Variants in AFF3 observed in about 807,000 individuals in gnomAD.
The protein encoded by AFF3 is ALF transcription elongation factor 3, also known as AF4/FMR2 family member 3.
Under a neutral mutation model 129.7 loss-of-function variants are expected in AFF3, and 32 were observed. The observed-to-expected ratio is 0.25, with a 90% CI of 0.19 to 0.33. The LOEUF is 0.33. Among genes scored for constraint, AFF3 ranks in the 10% least tolerant of loss-of-function variants. The probability of loss-of-function intolerance (pLI) is 1.00; values close to 1 mark genes in which losing one functional copy is unlikely to be tolerated. For synonymous variants in AFF3, 644 were observed against 635.4 expected (o/e 1.01, Z -0.20); for missense variants, 1,373 against 1,592.0 (o/e 0.86, Z 2.34).
At chr2:99,610,982 C>T (rs925675343) in intron 13 of AFF3, among the ~76,000 whole-genome samples, 2 of 152,134 alleles carry the variant, frequency 1.3e-5, no homozygotes, top group Non-Finnish European at 1.5e-5. Flanking sequence ...TCCTTCTCTA[C>T]CCCCCAGTCT....
At chr2:99,628,723 ATTTTT>A in intron 13 of AFF3, among the ~76,000 whole-genome samples, 1 of 92,398 alleles carries the variant, frequency 1.1e-5, no homozygotes, top group East Asian at 3.3e-4. Flanking sequence ...TGCTTGACTG[ATTTTT>A]TTTTTTTTTT....
chr2:99,674,482 T>G (rs1217301882), intron 11 of AFF3, among the ~76,000 whole-genome samples: 1 of 152,120 alleles, frequency 6.6e-6, no homozygotes, highest in Non-Finnish European at 1.5e-5. Flanking sequence ...TTCTTCCTAA[T>G]GAAAAAGACC....
At position 99,955,036 on chromosome 2, in the gene AFF3, AGATTTCAT is replaced by A. The variant is rs1280000171; in HGVS notation, c.873+51588_873+51595del. Among the ~76,000 whole-genome samples, 135 of 152,218 alleles carry A rather than the reference AGATTTCAT, an allele frequency of 8.9e-4. No homozygotes were observed. In the Middle Eastern group the frequency reaches 0.024, roughly 27 times the overall value. On this transcript the variant is annotated intron_variant, in intron 7 of 24. Coordinates refer to ENST00000672756, the MANE Select transcript of AFF3 (RefSeq NM_001386135.1). ...CTGGAAAAAAAAGTATAGAGAGGAT[AGATTTCAT>A]ATATTTTTGCAATAAATGGCAACTT...
At chr2:99,929,439 T>C (rs577727805) in intron 7 of AFF3, among the ~76,000 whole-genome samples, 1 of 152,370 alleles carries the variant, frequency 6.6e-6, no homozygotes, top group Non-Finnish European at 1.5e-5. Flanking sequence ...GCAATTCAGC[T>C]CCAGCAACAG....
chr2:99,747,643 C>T (rs576067033), intron 9 of AFF3, among the ~76,000 whole-genome samples: 1 of 152,022 alleles, frequency 6.6e-6, no homozygotes, highest in Non-Finnish European at 1.5e-5. Flanking sequence ...AACTAAAACA[C>T]CTGTGTGATT....
chr2:99,930,401 A>G (rs1264137737), intron 7 of AFF3, among the ~76,000 whole-genome samples: 1 of 152,324 alleles, frequency 6.6e-6, no homozygotes, highest in East Asian at 1.9e-4. Flanking sequence ...CACAGAGTTC[A>G]GACAGAACCC....
At chr2:100,124,999 A>G (rs1692126202) in intron 2 of AFF3, among the ~76,000 whole-genome samples, 1 of 152,248 alleles carries the variant, frequency 6.6e-6, no homozygotes, top group Non-Finnish European at 1.5e-5. Flanking sequence ...TGACAGAATC[A>G]TAGCAACTTG....
At chr2:99,674,000 T>G (rs1053812516) in intron 11 of AFF3, among the ~76,000 whole-genome samples, 3 of 152,210 alleles carry the variant, frequency 2.0e-5, no homozygotes, top group Non-Finnish European at 4.4e-5. Flanking sequence ...CTCCCCAGTT[T>G]CGTCAAGGAG....
At chr2:99,759,233 T>A (rs1235120550) in intron 8 of AFF3, among the ~76,000 whole-genome samples, 1 of 152,230 alleles carries the variant, frequency 6.6e-6, no homozygotes, top group African/African-American at 2.4e-5. Context: ...TACTTCAATC[T>A]ACACCCAACC....
intron 7 of AFF3, among the ~76,000 whole-genome samples, chr2:99,917,875 C>A (rs191475765): frequency 6.6e-6 from 1 of 151,772 alleles, no homozygotes; most frequent in Non-Finnish European, 1.5e-5. Context: ...GCGAACAGTG[C>A]GCAAAAAAAT....
chr2:99,780,000 T>G (rs1360279699), intron 8 of AFF3, among the ~76,000 whole-genome samples: 2 of 152,182 alleles, frequency 1.3e-5, no homozygotes, highest in Non-Finnish European at 2.9e-5. Context: ...CACATCTCAT[T>G]CAAAACTAGA....
At chr2:99,896,818 G>A (rs1021352160) in intron 7 of AFF3, among the ~76,000 whole-genome samples, 1 of 151,344 alleles carries the variant, frequency 6.6e-6, no homozygotes, top group African/African-American at 2.4e-5. Context: ...TGTATTTTTA[G>A]TAGAGACGGG....
At chr2:99,794,327 T>C (rs1685417462) in intron 8 of AFF3, among the ~76,000 whole-genome samples, 1 of 152,230 alleles carries the variant, frequency 6.6e-6, no homozygotes, top group African/African-American at 2.4e-5. Flanking sequence ...TACTTGTGTA[T>C]CAAAGCTTAT....
intron 8 of AFF3, among the ~76,000 whole-genome samples, chr2:99,772,201 T>C (rs985987681): frequency 2.6e-5 from 4 of 152,040 alleles, no homozygotes; most frequent in Admixed American, 6.5e-5. Flanking sequence ...AGAGTGACGA[T>C]GAGCCCCGGG....
intron 17 of AFF3, among the ~76,000 whole-genome samples, chr2:99,581,621 C>T (rs184049988): frequency 5.9e-5 from 9 of 151,812 alleles, no homozygotes; most frequent in Admixed American, 3.9e-4. Flanking sequence ...CAGGTTCAAG[C>T]GATTCTCCTG....
At chr2:99,574,007 A>G (rs1676752703) in intron 18 of AFF3, among the ~76,000 whole-genome samples, 2 of 152,104 alleles carry the variant, frequency 1.3e-5, no homozygotes, top group African/African-American at 4.8e-5. Flanking sequence ...TTCTGTACGG[A>G]GGCCTTCATG....
intron 4 of AFF3, among the ~76,000 whole-genome samples, chr2:100,061,456 A>C (rs1687264678): frequency 6.6e-6 from 1 of 152,162 alleles, no homozygotes; most frequent in South Asian, 2.1e-4. Flanking sequence ...ACTATCTCCA[A>C]GGTGACAAAA....
At chr2:99,840,800 A>G (rs1401304140) in intron 7 of AFF3, among the ~76,000 whole-genome samples, 4 of 152,178 alleles carry the variant, frequency 2.6e-5, no homozygotes, top group African/African-American at 9.7e-5. Flanking sequence ...GTTATATAGG[A>G]AAGTCTCAGT....
intron 5 of AFF3, 183 bp from the exon 6 acceptor site, chr2:100,007,643 C>A (rs865949710): frequency 1.6e-6 from 1 of 635,820 alleles, no homozygotes; most frequent in Non-Finnish European, 2.7e-6. Flanking sequence ...TGCACCAGAA[C>A]AGGAAGCCTG....
Sources: gnomAD v4.1 joint callset for allele counts (sites outside exome capture counted in the v4.1 genomes callset) on GRCh38, gnomAD v4.1.1 for gene constraint, MANE v1.5 for transcripts, NCBI Gene and HGNC (gene_info 2026-07-23, HGNC 2026-07-21) for gene names.